Variants in RAB30 observed in about 807,000 individuals in gnomAD.
RAB30 encodes RAB30, member RAS oncogene family, also known as ras-related protein Rab-30.
A neutral mutation model predicts 25.1 loss-of-function variants in RAB30; 9 were observed. That is an observed-to-expected ratio of 0.36 (90% CI 0.22 to 0.63). The LOEUF (loss-of-function observed/expected upper bound fraction) is 0.63, where lower values mean the gene tolerates loss of function less well. Among genes scored for constraint, RAB30 ranks in the 20% least tolerant of loss-of-function variants. The pLI is 0.69. For missense variants in RAB30, 140 were observed against 243.5 expected (o/e 0.58, Z 2.83); for synonymous variants, 77 against 86.4 (o/e 0.89, Z 0.60).
intron 1 of RAB30, among the ~76,000 whole-genome samples, chr11:83,068,222 T>C (rs886485716): frequency 6.6e-6 from 1 of 150,714 alleles, no homozygotes; most frequent in Non-Finnish European, 1.5e-5. Flanking sequence ...TGCTTGAACC[T>C]GGGAGGCGGA....
chr11:83,042,117 C>G (rs1590871292), intron 1 of RAB30, among the ~76,000 whole-genome samples: 1 of 151,940 alleles, frequency 6.6e-6, no homozygotes, highest in African/African-American at 2.4e-5. Context: ...CTCAAGAAAA[C>G]TATATATTCC....
chr11:83,031,332 C>T (rs747635118), intron 1 of RAB30, among the ~76,000 whole-genome samples: 7 of 152,102 alleles, frequency 4.6e-5, no homozygotes, highest in Non-Finnish European at 8.8e-5. Context: ...TGACTTGTTG[C>T]GGAAGCCAAG....
At chr11:83,059,903 C>G (rs1397811521) in intron 1 of RAB30, among the ~76,000 whole-genome samples, 1 of 151,916 alleles carries the variant, frequency 6.6e-6, no homozygotes, top group Non-Finnish European at 1.5e-5. Flanking sequence ...GTGATATTAA[C>G]AAAAAAGCGG....
At chr11:83,070,142 G>A (rs1858799540) in intron 1 of RAB30, among the ~76,000 whole-genome samples, 1 of 152,172 alleles carries the variant, frequency 6.6e-6, no homozygotes, top group East Asian at 1.9e-4. Context: ...GGGTGGGGTG[G>A]GGGGAAGAAA....
At chr11:82,990,047 T>C (rs1284212087) in intron 3 of RAB30, among the ~76,000 whole-genome samples, 1 of 152,202 alleles carries the variant, frequency 6.6e-6, no homozygotes, top group East Asian at 1.9e-4. Context: ...AGATGTTCTA[T>C]TAAAAAGGAA....
intron 1 of RAB30, among the ~76,000 whole-genome samples, chr11:83,032,360 T>A (rs1049793018): frequency 1.3e-5 from 2 of 152,156 alleles, no homozygotes; most frequent in African/African-American, 4.8e-5. Flanking sequence ...AAGAGAACGA[T>A]GAACACAAAA....
At chr11:82,983,711 C>A (rs983766996) in intron 4 of RAB30, among the ~76,000 whole-genome samples, 2 of 151,910 alleles carry the variant, frequency 1.3e-5, no homozygotes, top group Admixed American at 6.6e-5. Flanking sequence ...TGGGATTACA[C>A]GCAATTGAGC....
At chr11:83,024,454 T>C (rs1229220664) in intron 1 of RAB30, among the ~76,000 whole-genome samples, 2 of 152,262 alleles carry the variant, frequency 1.3e-5, no homozygotes, top group Non-Finnish European at 2.9e-5. Context: ...AATGCAGTAC[T>C]GCAAACATTT....
At chr11:83,036,483 A>G (rs906971102) in intron 1 of RAB30, among the ~76,000 whole-genome samples, 2 of 152,112 alleles carry the variant, frequency 1.3e-5, no homozygotes, top group African/African-American at 4.8e-5. Flanking sequence ...TTCATTTTTA[A>G]TACAACTTCA....
chr11:83,059,485 G>A (rs60517513), intron 1 of RAB30, among the ~76,000 whole-genome samples: 2,698 of 152,216 alleles, frequency 0.018, 61 homozygotes, highest in East Asian at 0.082. Flanking sequence ...CCAATTATTT[G>A]CTATTAGCAA....
intron 1 of RAB30, among the ~76,000 whole-genome samples, chr11:83,004,537 C>G (rs112452937): frequency 2.1e-3 from 327 of 152,172 alleles, no homozygotes; most frequent in African/African-American, 7.5e-3. Context: ...CCAAAACAAC[C>G]AGAGGAATAA....
chr11:82,987,462 G>T, intron 4 of RAB30, 125 bp downstream of exon 4: 1 of 940,502 alleles, frequency 1.1e-6, no homozygotes, highest in Non-Finnish European at 1.5e-6. Context: ...AAGAACTGAA[G>T]GTTGACTGCA....
intron 1 of RAB30, among the ~76,000 whole-genome samples, chr11:83,014,230 G>A (rs1055739636): frequency 1.8e-4 from 28 of 152,178 alleles, no homozygotes; most frequent in Admixed American, 1.6e-3. Context: ...TCTGAAGTGG[G>A]TATATTTAAG....
At chr11:83,018,748 G>A (rs1360751077) in intron 1 of RAB30, among the ~76,000 whole-genome samples, 1 of 152,060 alleles carries the variant, frequency 6.6e-6, no homozygotes, top group Admixed American at 6.6e-5. Flanking sequence ...TTGGGTTCTT[G>A]GCTATGAACT....
Position 83,067,383 on chromosome 11 carries a change from T to G in RAB30, c.-9+4308A>C, listed in dbSNP as rs901277481. On this transcript the variant is annotated intron_variant, in intron 1 of 4. Coordinates refer to ENST00000527633, the MANE Select transcript of RAB30 (RefSeq NM_001286060.2). ...AAAAAAAAATGTGATATGTCCAACA[T>G]CATACAGCTAATAAATAAGCAGTGT... Among the ~76,000 whole-genome samples, 7 of 152,076 alleles carry G rather than the reference T, an allele frequency of 4.6e-5. No homozygotes were observed. The East Asian group carries it at 1.4e-3, about 29-fold the overall frequency.
Position 83,026,781 on chromosome 11 carries a change from C to A in RAB30, c.-8-29457G>T, listed in dbSNP as rs1199722323. ...ATCTAATTTCACTTATTCCAAAAAC[C>A]CCACAAAAATTCAGTAAAGTGCTTT... On this transcript the variant is annotated intron_variant, in intron 1 of 4. Coordinates refer to ENST00000527633, the MANE Select transcript of RAB30 (RefSeq NM_001286060.2). Among the ~76,000 whole-genome samples, 96 of 150,366 alleles carry A rather than the reference C, an allele frequency of 6.4e-4. 1 individual carries two copies. The highest frequency in any genetic ancestry group is 6.3e-3 in the Admixed American group (95 of 14,996).
At chr11:83,028,564 T>A (rs1021906121) in intron 1 of RAB30, among the ~76,000 whole-genome samples, 38 of 151,900 alleles carry the variant, frequency 2.5e-4, no homozygotes, top group African/African-American at 9.2e-4. Flanking sequence ...GAAAGACAAA[T>A]AGGTTATATA....
rs150669944 is a variant in RAB30 at position 83,055,131 on chromosome 11, G to A, written c.-9+16560C>T. Among the ~76,000 whole-genome samples, 4 of 152,310 alleles carry A rather than the reference G, an allele frequency of 2.6e-5. No individual in the cohort carries two copies. The East Asian group carries it at 7.7e-4, about 29-fold the overall frequency. ...TTCCTCTCTCTGAGTCACAATTTCT[G>A]CATCTGCATCTGCATCTGTTAATTG... On this transcript the variant is annotated intron_variant, in intron 1 of 4. Coordinates refer to ENST00000527633, the MANE Select transcript of RAB30 (RefSeq NM_001286060.2).
In RAB30 at chr11:83,012,593, T is replaced by C. The variant is rs551948531; in HGVS notation, c.-8-15269A>G. On this transcript the variant is annotated intron_variant, in intron 1 of 4. Transcript: ENST00000527633. The stretch of plus-strand genomic sequence containing the variant: ...GAACAAATTCAATACCTATCCTATG[T>C]GTATTTATTTACAAATAGGGATAAT... Among the ~76,000 whole-genome samples, 4 of 152,330 alleles carry C rather than the reference T, an allele frequency of 2.6e-5. No individual in the cohort carries two copies. The East Asian group carries it at 7.7e-4, about 29-fold the overall frequency.
Sources: allele counts gnomAD v4.1 joint callset (sites outside exome capture counted in the v4.1 genomes callset), GRCh38; gene constraint gnomAD v4.1.1; transcripts MANE v1.5; gene names NCBI Gene and HGNC (gene_info 2026-07-23, HGNC 2026-07-21).